The following FGFR1 variants were observed in gnomAD, a reference collection of about 807,000 sequenced individuals.
FGFR1 encodes fibroblast growth factor receptor 1.
FGFR1 carries 18 observed loss-of-function variants against 93.7 expected under a neutral mutation model. The observed-to-expected ratio is 0.19, with a 90% CI of 0.13 to 0.28. The LOEUF (loss-of-function observed/expected upper bound fraction) is 0.28, where lower values mean the gene tolerates loss of function less well. Among genes scored for constraint, FGFR1 ranks in the 10% least tolerant of loss-of-function variants. FGFR1 has a pLI of 1.00. For missense variants in FGFR1, 731 were observed against 1,080.4 expected, an observed-to-expected ratio of 0.68 and a Z score of 4.53; for synonymous variants, 448 against 429.3, an observed-to-expected ratio of 1.04 and a Z score of -0.54.
chr8:38,466,533 G>A (rs2151487731), intron 1 of FGFR1: 1 of 230,854 alleles, frequency 4.3e-6, no homozygotes, highest in Non-Finnish European at 8.6e-6. Context: ...CCGGACCGCC[G>A]CCACCCACCA....
rs376416531 is a variant in FGFR1 at position 38,428,345 on chromosome 8, C to T, written c.448+1G>A. 9.9e-6 allele frequency: 16 copies of T among 1,613,466 alleles called. No homozygotes were observed. The Admixed American group carries it at 1.0e-4, about 10-fold the overall frequency. ...CAGTAAGATAGGAAACAGTGTCTCA[C>T]GCATACGGTTTGGTTTGGTGTTATC... On this transcript the variant is annotated splice_donor_variant, in intron 4 of 17. Transcript: ENST00000447712. LOFTEE classifies it high-confidence loss of function.
chr8:38,416,532 C>T lies in FGFR1; in HGVS notation c.1664-472G>A, dbSNP rs183345227. Among the ~76,000 whole-genome samples the T allele has an allele frequency of 1.4e-3, 200 of 147,460 alleles. 1 individual carries two copies. The highest frequency in any genetic ancestry group is 4.3e-3 in the African/African-American group (173 of 39,890). On this transcript the variant is annotated intron_variant, in intron 12 of 17. Transcript: ENST00000447712. ...GTGCAATGGCGCGATCTCGGCTAAC[C>T]GCAACCTCCGCCTCCCGTGTTCAAA... is the stretch of plus-strand genomic sequence containing the variant.
At position 38,430,220 on chromosome 8, in the gene FGFR1, T is replaced by C. The variant is rs896290893; in HGVS notation, c.92-272A>G. ...AAGAGGCAAAGTTAGGAAGCAGCTG[T>C]AGCAGCATTAAGCGCATTTCATTTC... On this transcript the variant is annotated intron_variant, in intron 2 of 17. Transcript: ENST00000447712. 5 of 478,158 alleles carry C rather than the reference T, an allele frequency of 1.0e-5. No individual in the cohort carries two copies. In the African/African-American group the frequency reaches 1.1e-4, roughly 11 times the overall value. 29.6% of individuals were successfully genotyped at this position (478,158 alleles called of 1,614,324 possible). A position where few individuals can be genotyped will look rare whatever the true frequency, so the allele number is the denominator to read the frequency against.
At chr8:38,430,028 A>G in intron 2 of FGFR1, 80 bp from the exon 3 acceptor site, 2 of 1,417,842 alleles carry the variant, frequency 1.4e-6, no homozygotes, top group African/African-American at 1.4e-5. Flanking sequence ...GGAGAGACAA[A>G]GGGAATTACG....
chr8:38,442,861 C>T (rs1208004467), intron 2 of FGFR1, among the ~76,000 whole-genome samples: 1 of 152,220 alleles, frequency 6.6e-6, no homozygotes, highest in African/African-American at 2.4e-5. Flanking sequence ...CACAGTTCAC[C>T]TGGACTCTCA....
At chr8:38,447,975 A>G (rs1369416686) in intron 2 of FGFR1, among the ~76,000 whole-genome samples, 1 of 152,244 alleles carries the variant, frequency 6.6e-6, no homozygotes, top group Admixed American at 6.5e-5. Flanking sequence ...GCCCAAATGT[A>G]GAGAACTGGA....
rs111424647 is a variant in FGFR1 at position 38,434,877 on chromosome 8, GT to G, written c.92-4930del. 901 of 152,562 alleles carry G rather than the reference GT, an allele frequency of 5.9e-3. 14 individuals carry two copies. Among genetic ancestry groups the G allele is most frequent in the African/African-American group, 0.02 (846 of 41,464 alleles). The allele number at this position is 152,562 out of a possible 1,614,324, so 9.5% of individuals were successfully genotyped here. A position where few individuals can be genotyped will look rare whatever the true frequency, so the allele number is the denominator to read the frequency against. On this transcript the variant is annotated intron_variant, in intron 2 of 17. Coordinates refer to ENST00000447712, the MANE Select transcript of FGFR1 (RefSeq NM_023110.3). ...CTGTATTGCTTCTTTTTGTTTGTTT[GT>G]TTTTTTGAGACAGAATTTCACTCTT...
At chr8:38,443,969 C>T (rs1421600083) in intron 2 of FGFR1, among the ~76,000 whole-genome samples, 2 of 140,176 alleles carry the variant, frequency 1.4e-5, no homozygotes, top group Admixed American at 7.9e-5. Context: ...AGGAGAACTG[C>T]GTGAACTCAG....
In FGFR1 at chr8:38,415,773, C is replaced by T. The variant is rs997997728; in HGVS notation, c.1854+97G>A. ...ACACAGGGCCAGTGCTCAGTGCATC[C>T]ACAACGCCACCACAAGATGATAAGT... On this transcript the variant is annotated intron_variant, in intron 13 of 17. Coordinates refer to ENST00000447712, the MANE Select transcript of FGFR1 (RefSeq NM_023110.3). 11 of 1,258,432 alleles carry T rather than the reference C, an allele frequency of 8.7e-6. No homozygotes were observed. In the African/African-American group the frequency reaches 1.6e-4, roughly 19 times the overall value. 78.0% of individuals were successfully genotyped at this position (1,258,432 alleles called of 1,614,324 possible). A position where few individuals can be genotyped will look rare whatever the true frequency, so the allele number is the denominator to read the frequency against.
chr8:38,429,456 G>T lies in FGFR1; in HGVS notation c.358+226C>A. 1.4e-6 allele frequency: 1 copy of T among 702,678 alleles called. No homozygotes were observed. The highest frequency in any genetic ancestry group is 2.6e-6 in the Non-Finnish European group (1 of 385,894). 43.5% of individuals were successfully genotyped at this position (702,678 alleles called of 1,614,324 possible). ...GCCCTGGCAATCACCTCCGAGGTGTGTCCTGGAAGCCCCAGATCTCCGGCC... is the reference window on the plus strand; with the variant it reads ...GCCCTGGCAATCACCTCCGAGGTGTTTCCTGGAAGCCCCAGATCTCCGGCC... On this transcript the variant is annotated intron_variant, in intron 3 of 17. Transcript: ENST00000447712. This position sits in a 1 kb window ranked among gnomAD's most constrained non-coding sequence, Gnocchi z 4.4.
At chr8:38,436,273 G>A (rs1825393102) in intron 2 of FGFR1, among the ~76,000 whole-genome samples, 1 of 152,122 alleles carries the variant, frequency 6.6e-6, no homozygotes, top group Non-Finnish European at 1.5e-5. Context: ...GCACTTGGGA[G>A]GCAGAGGAGG....
intron 6 of FGFR1, 141 bp downstream of exon 6, chr8:38,425,981 G>A: frequency 9.4e-7 from 1 of 1,065,542 alleles, no homozygotes; most frequent in Non-Finnish European, 1.4e-6. Flanking sequence ...AGGGAGAAGT[G>A]ACCTGCTCAA....
rs551561782 is a variant in FGFR1, at chr8:38,434,346, T to A, written c.92-4398A>T. 1.1e-4 allele frequency: 23 copies of A among 214,526 alleles called. No individual in the cohort carries two copies. In the East Asian group the frequency reaches 1.3e-3, roughly 12 times the overall value. The allele number at this position is 214,526 out of a possible 1,614,324, so 13.3% of individuals were successfully genotyped here. A position where few individuals can be genotyped will look rare whatever the true frequency, so the allele number is the denominator to read the frequency against. On this transcript the variant is annotated intron_variant, in intron 2 of 17. Transcript: ENST00000447712. ...TGCTGCTGCTTTTTTTTTTTTTTTT[T>A]ATAACAACCGCTAATCAGTTTATTA...
chr8:38,429,862 C>T lies in FGFR1; in HGVS notation c.178G>A (p.Asp60Asn), dbSNP rs1586379709. The T allele has an allele frequency of 3.7e-6, 6 of 1,613,924 alleles. No individual in the cohort carries two copies. Among genetic ancestry groups the T allele is most frequent in the South Asian group, 2.2e-5 (2 of 91,074 alleles). ...LLQLRCRLRD[D>N]VQSINWLRDG... is the part of the protein sequence containing the mutation. ...CGCAGCCAGTTGATGCTCTGCACAT[C>T]GTCCCGCAGCCGACAGCGAAGCTGC... The change falls in exon 3 of 18, where the codon GAT becomes AAT. Residue 60 changes from aspartate to asparagine, a missense_variant. Coordinates refer to ENST00000447712, the MANE Select transcript of FGFR1 (RefSeq NM_023110.3). This position sits in a 1 kb window ranked among gnomAD's most constrained non-coding sequence, Gnocchi z 4.4.
Position 38,419,288 on chromosome 8 carries a change from C to A in FGFR1, c.1284+245G>T, listed in dbSNP as rs539985152. On this transcript the variant is annotated intron_variant, in intron 9 of 17. Transcript: ENST00000447712. The stretch of plus-strand genomic sequence containing the variant: ...TGCACATTCTGTCCAAATAGGACTT[C>A]CTCCCAATCCATGTCCCAGGAGTCC... Among the ~76,000 whole-genome samples, 9 of 152,326 alleles carry A rather than the reference C, an allele frequency of 5.9e-5. No individual in the cohort carries two copies. The South Asian group carries it at 1.0e-3, about 18-fold the overall frequency.
rs1554594314 is a variant in FGFR1 at position 38,457,524 on chromosome 8, T to C, written c.-78A>G. 1 of 1,598,178 alleles carries C rather than the reference T, an allele frequency of 6.3e-7. No individual in the cohort carries two copies. The highest frequency in any genetic ancestry group is 8.5e-7 in the Non-Finnish European group (1 of 1,173,004). On this transcript the variant is annotated 5_prime_UTR_variant, in exon 2 of 18. Coordinates refer to ENST00000447712, the MANE Select transcript of FGFR1 (RefSeq NM_023110.3). The stretch of plus-strand genomic sequence containing the variant: ...TCCACAGTGAGCTCGATCCTCCTTT[T>C]CAAACTGACCCTGAGGAAAGGAAAA...
At chr8:38,451,571 TG>T (rs1368918540) in intron 2 of FGFR1, among the ~76,000 whole-genome samples, 2 of 152,118 alleles carry the variant, frequency 1.3e-5, no homozygotes, top group African/African-American at 4.8e-5. Flanking sequence ...CCCCGCTTTG[TG>T]GTGCACACAG....
At position 38,457,524 on chromosome 8, in the gene FGFR1, T is replaced by A. The variant is rs1554594314; in HGVS notation, c.-78A>T. ...TCCACAGTGAGCTCGATCCTCCTTT[T>A]CAAACTGACCCTGAGGAAAGGAAAA... On this transcript the variant is annotated 5_prime_UTR_variant, in exon 2 of 18. Coordinates refer to ENST00000447712, the MANE Select transcript of FGFR1 (RefSeq NM_023110.3). 1 of 1,598,178 alleles carries A rather than the reference T, an allele frequency of 6.3e-7. No individual in the cohort carries two copies. The highest frequency in any genetic ancestry group is 8.5e-7 in the Non-Finnish European group (1 of 1,173,004).
rs1357231323 is a variant in FGFR1 at position 38,445,770 on chromosome 8, A to C, written c.91+11586T>G. ...TGGCCAGGCTGGGCTTGAACTCCTG[A>C]CTTCAGGTGATCTGCCCGCCTCAAC... On this transcript the variant is annotated intron_variant, in intron 2 of 17. Transcript: ENST00000447712. Among the ~76,000 whole-genome samples the C allele has an allele frequency of 2.7e-5, 4 of 150,284 alleles. No homozygotes were observed. In the East Asian group the frequency reaches 7.8e-4, roughly 29 times the overall value.
Sources: allele counts gnomAD v4.1 joint callset (sites outside exome capture counted in the v4.1 genomes callset), GRCh38; gene constraint gnomAD v4.1.1; non-coding constraint Gnocchi (gnomAD v3.1); transcripts MANE v1.5; gene names NCBI Gene and HGNC (gene_info 2026-07-23, HGNC 2026-07-21).